Variants in DIS3L2 observed in about 807,000 individuals in gnomAD.
The protein encoded by DIS3L2 is DIS3-like exonuclease 2.
Under a neutral mutation model 97.5 loss-of-function variants are expected in DIS3L2, and 34 were observed. That is an observed-to-expected ratio of 0.35 (90% CI 0.27 to 0.46). DIS3L2 has a LOEUF of 0.46. Among genes scored for constraint, DIS3L2 ranks in the 20% least tolerant of loss-of-function variants. The pLI, the probability that DIS3L2 is intolerant of heterozygous loss-of-function variation, is 1.00. For missense variants in DIS3L2, 1,038 were observed against 1,146.0 expected (o/e 0.91, Z 1.36); for synonymous variants, 435 against 445.2 (o/e 0.98, Z 0.29).
chr2:232,066,229 A>G (rs1695853003), intron 5 of DIS3L2, among the ~76,000 whole-genome samples: 1 of 151,898 alleles, frequency 6.6e-6, no homozygotes, highest in South Asian at 2.1e-4. Context: ...CTTATGAGGA[A>G]AGCCCTCTAT....
intron 9 of DIS3L2, among the ~76,000 whole-genome samples, chr2:232,173,521 C>T (rs775986386): frequency 3.9e-5 from 6 of 152,124 alleles, no homozygotes; most frequent in African/African-American, 7.2e-5. Flanking sequence ...CATGAGCCAC[C>T]GTGCCTGGCC....
intron 1 of DIS3L2, among the ~76,000 whole-genome samples, chr2:231,967,938 T>C (rs2106214000): frequency 6.6e-6 from 1 of 152,304 alleles, no homozygotes; most frequent in East Asian, 1.9e-4. Flanking sequence ...TATTGAGGTA[T>C]AGTTGACAGG....
chr2:232,060,311 C>T (rs896190827), intron 5 of DIS3L2, among the ~76,000 whole-genome samples: 3 of 152,094 alleles, frequency 2.0e-5, no homozygotes, highest in African/African-American at 7.2e-5. Context: ...TCTTTGCCCA[C>T]TCCAATGTCT....
At chr2:232,185,103 G>A (rs1171099082) in intron 9 of DIS3L2, among the ~76,000 whole-genome samples, 3 of 152,146 alleles carry the variant, frequency 2.0e-5, no homozygotes, top group Non-Finnish European at 4.4e-5. Context: ...AGGACTGGGT[G>A]TTACTTTTCT....
At chr2:231,975,923 GTCC>G (rs1693076501) in intron 1 of DIS3L2, among the ~76,000 whole-genome samples, 1 of 151,516 alleles carries the variant, frequency 6.6e-6, no homozygotes, top group Admixed American at 6.6e-5. Context: ...CTCATTCCCA[GTCC>G]TCCTTCTTCT....
At chr2:232,074,623 A>G (rs75063128) in intron 5 of DIS3L2, among the ~76,000 whole-genome samples, 9,666 of 127,236 alleles carry the variant, frequency 0.076, 1,112 homozygotes, top group East Asian at 0.54. Flanking sequence ...TCTGTTACCC[A>G]GGTTCACCAC....
At position 232,269,321 on chromosome 2, in the gene DIS3L2, A is replaced by G. The variant is rs1693924154; in HGVS notation, c.1659+5881A>G. On this transcript the variant is annotated intron_variant, in intron 13 of 20. Coordinates refer to ENST00000325385, the MANE Select transcript of DIS3L2 (RefSeq NM_152383.5). This position sits in a 1 kb window ranked among gnomAD's most constrained non-coding sequence, Gnocchi z 4.5. ...CTGCTGTTTAATATTTGTACCATAT[A>G]TTTGATCCAAGGTAGGAAGGATGGG... Among the ~76,000 whole-genome samples, 1 of 152,162 alleles carries G rather than the reference A, an allele frequency of 6.6e-6. No individual in the cohort carries two copies.
intron 5 of DIS3L2, among the ~76,000 whole-genome samples, chr2:232,033,669 T>G (rs150837329): frequency 0.011 from 1,716 of 152,342 alleles, 19 homozygotes; most frequent in Non-Finnish European, 0.016. Context: ...TGAGTGTTTT[T>G]AGCATAAAGG....
intron 8 of DIS3L2, among the ~76,000 whole-genome samples, chr2:232,142,891 T>G (rs1574906472): frequency 6.6e-6 from 1 of 152,216 alleles, no homozygotes; most frequent in Non-Finnish European, 1.5e-5. Context: ...TTGTACATTC[T>G]CAGGGCTGTG....
chr2:231,979,261 T>C (rs1693182437), intron 1 of DIS3L2, among the ~76,000 whole-genome samples: 2 of 152,016 alleles, frequency 1.3e-5, no homozygotes, highest in Admixed American at 6.6e-5. Context: ...ATTTAATTTA[T>C]TTTTTTATTT....
intron 11 of DIS3L2, among the ~76,000 whole-genome samples, chr2:232,243,112 G>A (rs1282718981): frequency 6.6e-6 from 1 of 152,198 alleles, no homozygotes; most frequent in African/African-American, 2.4e-5. Flanking sequence ...TGCCTGGGCT[G>A]GTGGTGGGAG....
downstream of DIS3L2, among the ~76,000 whole-genome samples, chr2:232,338,125 G>C (rs1343661196): frequency 2.1e-5 from 3 of 146,188 alleles, no homozygotes; most frequent in African/African-American, 8.4e-5. Context: ...CTGACTGTGA[G>C]AGCCCCAAAC....
chr2:232,148,602 T>A (rs1433269563), intron 8 of DIS3L2, among the ~76,000 whole-genome samples: 1 of 152,160 alleles, frequency 6.6e-6, no homozygotes, highest in African/African-American at 2.4e-5. Flanking sequence ...AACTAAAATA[T>A]AATTTTGTCT....
intron 12 of DIS3L2, among the ~76,000 whole-genome samples, chr2:232,262,383 A>G (rs577580311): frequency 7.9e-5 from 12 of 152,376 alleles, no homozygotes; most frequent in African/African-American, 2.9e-4. Context: ...AAAAGTGAAA[A>G]TAATAAAATG....
At chr2:232,047,274 GACT>G (rs1174897260) in intron 5 of DIS3L2, among the ~76,000 whole-genome samples, 1 of 152,184 alleles carries the variant, frequency 6.6e-6, no homozygotes, top group Non-Finnish European at 1.5e-5. Context: ...CAAGATCATA[GACT>G]AGTGCATCAG....
chr2:232,247,139 C>T (rs1693273494), intron 11 of DIS3L2, among the ~76,000 whole-genome samples: 2 of 152,300 alleles, frequency 1.3e-5, no homozygotes, highest in East Asian at 3.9e-4. Context: ...AGGCATTAAG[C>T]CCTGGACTGA....
chr2:232,070,354 GT>G (rs869263004), intron 5 of DIS3L2, among the ~76,000 whole-genome samples: 16 of 132,382 alleles, frequency 1.2e-4, no homozygotes, highest in Non-Finnish European at 2.3e-4. Flanking sequence ...TTGTTTGTTT[GT>G]TTTTTTCCTG....
chr2:232,259,876 C>T (rs904525350), intron 12 of DIS3L2: 5 of 152,300 alleles, frequency 3.3e-5, no homozygotes, highest in Non-Finnish European at 7.3e-5. Context: ...AAGCAGTCCA[C>T]CCGCCTTGAC....
chr2:232,247,835 G>A (rs1693303817), intron 11 of DIS3L2, among the ~76,000 whole-genome samples: 1 of 152,128 alleles, frequency 6.6e-6, no homozygotes, highest in Non-Finnish European at 1.5e-5. Context: ...ACATTCTAAT[G>A]CATCACAAAA....
Sources: gnomAD v4.1 joint callset for allele counts (sites outside exome capture counted in the v4.1 genomes callset) on GRCh38, gnomAD v4.1.1 for gene constraint, Gnocchi (gnomAD v3.1) non-coding constraint, MANE v1.5 for transcripts, NCBI Gene and HGNC (gene_info 2026-07-23, HGNC 2026-07-21) for gene names.